The following ERP44 variants were observed in gnomAD, a reference collection of about 807,000 sequenced individuals.
ERP44 encodes endoplasmic reticulum resident protein 44.
Under a neutral mutation model 53.4 loss-of-function variants are expected in ERP44, and 25 were observed. The ratio of observed to expected loss-of-function variants is 0.47; its 90% CI spans 0.34 to 0.65. The LOEUF is 0.65. Ranked by LOEUF, ERP44 falls within the 30% of genes least tolerant of loss-of-function variation. The pLI is 0.01. For synonymous variants in ERP44, 145 were observed against 161.2 expected (o/e 0.90, Z 0.76); for missense variants, 338 against 493.2 (o/e 0.69, Z 2.98).
At chr9:99,988,296 C>T (rs888336675) in intron 10 of ERP44, among the ~76,000 whole-genome samples, 2 of 152,124 alleles carry the variant, frequency 1.3e-5, no homozygotes, top group African/African-American at 2.4e-5. Context: ...AAATGATTTC[C>T]TTTTATGGAT....
intron 10 of ERP44, among the ~76,000 whole-genome samples, chr9:99,999,275 T>C (rs1474952245): frequency 2.0e-5 from 3 of 152,030 alleles, no homozygotes; most frequent in Non-Finnish European, 4.4e-5. Flanking sequence ...TGTCTATTCA[T>C]GTCCTTAGCC....
chr9:100,010,209 A>G lies in ERP44; in HGVS notation c.763-2520T>C, dbSNP rs773334313. On this transcript the variant is annotated intron_variant, in intron 8 of 11. Coordinates refer to ENST00000262455, the MANE Select transcript of ERP44 (RefSeq NM_015051.3). ...AGGCTTCCAAGTTTACTATGTCCAT[A>G]CAAGCATATTCTTTACCAAACAAAT... Among the ~76,000 whole-genome samples the G allele has an allele frequency of 1.5e-4, 23 of 152,342 alleles. No individual in the cohort carries two copies. In the Middle Eastern group the frequency reaches 0.01, roughly 68 times the overall value.
intron 1 of ERP44, among the ~76,000 whole-genome samples, chr9:100,069,805 CAA>C (rs1013219229): frequency 1.3e-5 from 2 of 151,906 alleles, no homozygotes; most frequent in Non-Finnish European, 2.9e-5. Flanking sequence ...TAAAAAGAAA[CAA>C]AATTTGTTGC....
chr9:100,050,534 T>C (rs1268732307), intron 4 of ERP44, among the ~76,000 whole-genome samples: 1 of 152,204 alleles, frequency 6.6e-6, no homozygotes, highest in East Asian at 1.9e-4. Flanking sequence ...TACAATCTAA[T>C]TGGCACATAA....
At chr9:100,002,132 T>TAAA (rs59995242) in intron 10 of ERP44, among the ~76,000 whole-genome samples, 88 of 148,014 alleles carry the variant, frequency 5.9e-4, no homozygotes, top group African/African-American at 1.4e-3. Flanking sequence ...TTTATTCACA[T>TAAA]AAAAAAAAAA....
chr9:100,094,130 C>T (rs1346736224), intron 1 of ERP44, among the ~76,000 whole-genome samples: 1 of 152,092 alleles, frequency 6.6e-6, no homozygotes, highest in Non-Finnish European at 1.5e-5. Context: ...CAACAGTGAA[C>T]TGGTATCTAT....
intron 4 of ERP44, among the ~76,000 whole-genome samples, chr9:100,034,031 G>T (rs1372925958): frequency 6.6e-6 from 1 of 152,096 alleles, no homozygotes; most frequent in African/African-American, 2.4e-5. Flanking sequence ...TCTGTCAGAG[G>T]CGTTCAAACC....
intron 1 of ERP44, among the ~76,000 whole-genome samples, chr9:100,069,038 A>G (rs926356866): frequency 6.6e-6 from 1 of 152,178 alleles, no homozygotes; most frequent in Admixed American, 6.5e-5. Context: ...ACTCAGGGTT[A>G]AATGGATTAA....
chr9:100,086,598 T>G (rs1318716920), intron 1 of ERP44, among the ~76,000 whole-genome samples: 1 of 152,222 alleles, frequency 6.6e-6, no homozygotes, highest in Non-Finnish European at 1.5e-5. Context: ...ATACATTATA[T>G]CTCAATCTCA....
chr9:99,995,651 T>C (rs932747139), intron 10 of ERP44, among the ~76,000 whole-genome samples: 2 of 152,226 alleles, frequency 1.3e-5, no homozygotes, highest in Non-Finnish European at 2.9e-5. Flanking sequence ...CTTATTCCAC[T>C]TAACATACTG....
At chr9:100,098,433 G>A (rs1293805125) in intron 1 of ERP44, among the ~76,000 whole-genome samples, 1 of 152,200 alleles carries the variant, frequency 6.6e-6, no homozygotes, top group Admixed American at 6.5e-5. Flanking sequence ...AGGGTGGGAA[G>A]GAACGCTAGG....
At chr9:100,085,274 A>G (rs1420654190) in intron 1 of ERP44, among the ~76,000 whole-genome samples, 1 of 152,234 alleles carries the variant, frequency 6.6e-6, no homozygotes, top group Non-Finnish European at 1.5e-5. Context: ...TAATGAGATC[A>G]GAAAAGCAAG....
intron 1 of ERP44, among the ~76,000 whole-genome samples, chr9:100,064,661 A>G (rs1448605696): frequency 6.6e-6 from 1 of 152,100 alleles, no homozygotes; most frequent in Non-Finnish European, 1.5e-5. Context: ...ACACTGCATA[A>G]AAATGTTTTG....
At chr9:100,076,948 C>T (rs1027823088) in intron 1 of ERP44, among the ~76,000 whole-genome samples, 1 of 152,222 alleles carries the variant, frequency 6.6e-6, no homozygotes, top group African/African-American at 2.4e-5. Context: ...TGGACTTCCA[C>T]TCACCAAGGC....
At chr9:100,039,652 GAAGAA>G (rs1419708255) in intron 4 of ERP44, among the ~76,000 whole-genome samples, 2 of 151,736 alleles carry the variant, frequency 1.3e-5, no homozygotes, top group African/African-American at 4.8e-5. Flanking sequence ...AAAATTAGTA[GAAGAA>G]AAGAAATAAT....
chr9:100,052,602 C>T, intron 3 of ERP44, 70 bp from the exon 4 acceptor site: 1 of 801,406 alleles, frequency 1.2e-6, no homozygotes, highest in South Asian at 1.7e-5. Flanking sequence ...CCGTTATTGC[C>T]CACTGACATT....
intron 3 of ERP44, among the ~76,000 whole-genome samples, chr9:100,056,334 C>A (rs1404406030): frequency 6.6e-6 from 1 of 152,214 alleles, no homozygotes; most frequent in African/African-American, 2.4e-5. Flanking sequence ...ACAGCATTTT[C>A]TCTGTGTATC....
At position 100,028,741 on chromosome 9, in the gene ERP44, TG is replaced by T. The variant is rs1481769782; in HGVS notation, c.287-6516del. Reference sequence around the variant, plus strand: ...ACTTGCAGAATGGGTTTTAGCAGCTTGGAAGAAATTCCTAGAGAGAGTAGAG... The same window carrying T: ...ACTTGCAGAATGGGTTTTAGCAGCTTGAAGAAATTCCTAGAGAGAGTAGAG... On this transcript the variant is annotated intron_variant, in intron 4 of 11. Transcript: ENST00000262455. Among the ~76,000 whole-genome samples the T allele has an allele frequency of 4.6e-5, 7 of 152,318 alleles. No homozygotes were observed. The South Asian group carries it at 1.5e-3, about 32-fold the overall frequency.
At chr9:100,044,739 C>T (rs1477266504) in intron 4 of ERP44, among the ~76,000 whole-genome samples, 2 of 152,106 alleles carry the variant, frequency 1.3e-5, no homozygotes, top group Non-Finnish European at 2.9e-5. Flanking sequence ...GTAAGGCGCT[C>T]CTAGCTTTTT....
Sources: gnomAD v4.1 joint callset for allele counts (sites outside exome capture counted in the v4.1 genomes callset) on GRCh38, gnomAD v4.1.1 for gene constraint, MANE v1.5 for transcripts, NCBI Gene and HGNC (gene_info 2026-07-23, HGNC 2026-07-21) for gene names.